XKR5: variants seen among roughly 807,000 people sequenced by gnomAD.
The protein encoded by XKR5 is XK-related protein 5.
A neutral mutation model predicts 40.8 loss-of-function variants in XKR5; 46 were observed. The ratio of observed to expected loss-of-function variants is 1.13; its 90% CI spans 0.89 to 1.44. The LOEUF (loss-of-function observed/expected upper bound fraction) is 1.44, where lower values mean the gene tolerates loss of function less well. XKR5 is among the 40% of genes most tolerant of loss of function. The pLI is 0.00. For missense variants in XKR5, 1,169 were observed against 844.7 expected (o/e 1.38, Z -4.76); for synonymous variants, 466 against 356.1 (o/e 1.31, Z -3.48).
chr8:6,812,008 C>T lies in XKR5; in HGVS notation c.1251G>A (p.Val417=), dbSNP rs1371318106. The part of the protein sequence containing the change: ...WVKLALKTGN[V]SKINAAFGDN... ...CTCCAAAGGCGGCATTGATCTTAGA[C>T]ACATTTCCTGTTTTTAGGGCAAGTT... Residue 417 remains valine (V), a synonymous_variant, in exon 7 of 7, where the codon GTG becomes GTA. Coordinates refer to ENST00000618742, the MANE Select transcript of XKR5 (RefSeq NM_207411.5). 6.5e-7 allele frequency: 1 copy of T among 1,537,410 alleles called. No homozygotes were observed. Among genetic ancestry groups the T allele is most frequent in the East Asian group, 2.4e-5 (1 of 40,910 alleles).
At position 6,821,944 on chromosome 8, in the gene XKR5, C is replaced by A. The variant is rs1804254697; in HGVS notation, c.732G>T (p.Val244=). Residue 244 remains valine, a synonymous_variant, in exon 5 of 7, where the codon GTG becomes GTT. Transcript: ENST00000618742. ...GGTAGCAGAGGATGTACACGGCCCC[C>A]ACGAGCAGGTTGAACAGCCTCCAGT... The part of the protein sequence containing the change: ...TCHWRLFNLL[V]GAVYILCYLS... The A allele has an allele frequency of 6.2e-7, 1 of 1,612,964 alleles. No individual in the cohort carries two copies.
chr8:6,832,617 AC>A, intron 2 of XKR5, 99 bp downstream of exon 2: 1 of 1,491,620 alleles, frequency 6.7e-7, no homozygotes, highest in Non-Finnish European at 9.2e-7. Flanking sequence ...CCAATGCTGA[AC>A]TTTTATGAGC....
intron 6 of XKR5, among the ~76,000 whole-genome samples, chr8:6,813,284 A>C (rs1222466617): frequency 6.6e-6 from 1 of 152,250 alleles, no homozygotes; most frequent in Non-Finnish European, 1.5e-5. Flanking sequence ...GGTCCTGCTC[A>C]GCCAGTTTCT....
chr8:6,809,291 T>C lies in XKR5; in HGVS notation c.*1907A>G, dbSNP rs1803576635. The C allele has an allele frequency of 2.3e-5, 3 of 130,186 alleles. No homozygotes were observed. The highest frequency in any genetic ancestry group is 4.8e-5 in the Non-Finnish European group (3 of 62,088). The allele number at this position is 130,186 out of a possible 1,614,324, so 8.1% of individuals were successfully genotyped here. Reference sequence around the variant, plus strand: ...TGGAACTATGAATGATTTTGTTCTATTAACAAGCTTTTTTTTTAGATAGAG... The same window carrying C: ...TGGAACTATGAATGATTTTGTTCTACTAACAAGCTTTTTTTTTAGATAGAG... On this transcript the variant is annotated 3_prime_UTR_variant, in exon 7 of 7. Transcript: ENST00000618742.
At chr8:6,812,428 T>C (rs2553728) in intron 6 of XKR5, 89 bp from the exon 7 acceptor site, 554,152 of 1,349,296 alleles carry the variant, frequency 0.41, 119,045 homozygotes, top group East Asian at 0.66. Flanking sequence ...GGCCCTTTTG[T>C]GTAGAGGAAG....
At position 6,812,094 on chromosome 8, in the gene XKR5, G is replaced by A; in HGVS notation, c.1165C>T (p.Leu389=). The A allele has an allele frequency of 6.5e-7, 1 of 1,544,242 alleles. No individual in the cohort carries two copies. The highest frequency in any genetic ancestry group is 8.7e-7 in the Non-Finnish European group (1 of 1,146,970). ...TPEQVPPEAG[L]GTQVAVEDSF... is the part of the protein sequence containing the mutation. The stretch of plus-strand genomic sequence containing the variant: ...TCCTCCACAGCAACCTGGGTCCCCA[G>A]CCCAGCCTCTGGGGGGACCTGCTCA... The change falls in exon 7 of 7, where the codon CTG becomes TTG. Residue 389 remains leucine, a synonymous_variant. Transcript: ENST00000618742.
At chr8:6,826,686 A>T (rs1804500004) in intron 2 of XKR5, among the ~76,000 whole-genome samples, 1 of 152,152 alleles carries the variant, frequency 6.6e-6, no homozygotes, top group Non-Finnish European at 1.5e-5. Flanking sequence ...GATCTGGATG[A>T]CCAGTTGTGG....
intron 5 of XKR5, among the ~76,000 whole-genome samples, chr8:6,816,810 C>G (rs1273928315): frequency 6.6e-6 from 1 of 150,438 alleles, no homozygotes; most frequent in Non-Finnish European, 1.5e-5. Flanking sequence ...AAATTATATA[C>G]TGATTTGCTA....
chr8:6,820,354 T>C (rs978521064), intron 5 of XKR5, among the ~76,000 whole-genome samples: 1 of 152,252 alleles, frequency 6.6e-6, no homozygotes, highest in African/African-American at 2.4e-5. Flanking sequence ...ATCTAGTGAC[T>C]GTATGAGATG....
rs1803642589 is a variant in XKR5 at position 6,810,789 on chromosome 8, TG to T, written c.*408del. 6.2e-6 allele frequency: 1 copy of T among 162,090 alleles called. No homozygotes were observed. Among genetic ancestry groups the T allele is most frequent in the African/African-American group, 2.4e-5 (1 of 41,674 alleles). 10.0% of individuals were successfully genotyped at this position (162,090 alleles called of 1,614,324 possible). On this transcript the variant is annotated 3_prime_UTR_variant, in exon 7 of 7. Coordinates refer to ENST00000618742, the MANE Select transcript of XKR5 (RefSeq NM_207411.5). Reference sequence around the variant, plus strand: ...ATAATACAGTTAGAATATATTAAAATGAGATTCATAACCGCTAAATGTGAGG... The same window carrying T: ...ATAATACAGTTAGAATATATTAAAATAGATTCATAACCGCTAAATGTGAGG...
In XKR5 at chr8:6,823,048, C is replaced by G. The variant is rs868868294; in HGVS notation, c.637+473G>C. 2.6e-5 allele frequency among the ~76,000 whole-genome samples: 4 copies of G among 152,314 alleles called. No homozygotes were observed. In the South Asian group the frequency reaches 8.3e-4, roughly 32 times the overall value. Reference sequence around the variant, plus strand: ...ACAGAACAGTCTCCTGAGAAGTTCTCTGCTCCAGATTTAGCTGGGAGTGTT... The same window carrying G: ...ACAGAACAGTCTCCTGAGAAGTTCTGTGCTCCAGATTTAGCTGGGAGTGTT... On this transcript the variant is annotated intron_variant, in intron 4 of 6. Coordinates refer to ENST00000618742, the MANE Select transcript of XKR5 (RefSeq NM_207411.5).
At chr8:6,828,070 G>GA (rs1188858689) in intron 2 of XKR5, among the ~76,000 whole-genome samples, 8 of 151,340 alleles carry the variant, frequency 5.3e-5, no homozygotes, top group African/African-American at 7.3e-5. Flanking sequence ...AGACTCTCGT[G>GA]AAAAAAAAGA....
Position 6,821,076 on chromosome 8 carries a change from G to A in XKR5, c.807+793C>T, listed in dbSNP as rs187950279. 1.8e-3 allele frequency among the ~76,000 whole-genome samples: 271 copies of A among 152,276 alleles called. 2 individuals are homozygous for A. The highest frequency in any genetic ancestry group is 3.3e-3 in the Non-Finnish European group (227 of 68,024). ...GAGAGGGGGGTGACTTATTCCTAGC[G>A]TGTGCATGAAAAAGTAGGTTCAGAC... On this transcript the variant is annotated intron_variant, in intron 5 of 6. Coordinates refer to ENST00000618742, the MANE Select transcript of XKR5 (RefSeq NM_207411.5).
intron 5 of XKR5, among the ~76,000 whole-genome samples, chr8:6,816,611 T>C (rs1803967276): frequency 1.3e-5 from 2 of 150,632 alleles, no homozygotes; most frequent in Admixed American, 6.6e-5. Context: ...AAAGACGATA[T>C]ATTTAAATAC....
chr8:6,818,377 C>T (rs1353501559), intron 5 of XKR5, among the ~76,000 whole-genome samples: 1 of 152,352 alleles, frequency 6.6e-6, no homozygotes, highest in East Asian at 1.9e-4. Flanking sequence ...TTGATAGCGT[C>T]ACTTCTCTGA....
chr8:6,816,091 T>G (rs546054070), intron 5 of XKR5, among the ~76,000 whole-genome samples, 173 bp from the exon 6 acceptor site: 29 of 152,076 alleles, frequency 1.9e-4, no homozygotes, highest in African/African-American at 6.5e-4. Flanking sequence ...AGACCTTCTC[T>G]GGCAAAGAGA....
chr8:6,821,379 CTACT>C (rs1325688135), intron 5 of XKR5, among the ~76,000 whole-genome samples: 3 of 152,164 alleles, frequency 2.0e-5, no homozygotes, highest in Non-Finnish European at 4.4e-5. Flanking sequence ...ATTTGGGTGT[CTACT>C]TACTTACCAA....
rs141548257 is a variant in XKR5 at position 6,812,206 on chromosome 8, T to A, written c.1053A>T (p.Thr351=). 27 of 1,551,874 alleles carry A rather than the reference T, an allele frequency of 1.7e-5. No individual in the cohort carries two copies. The highest frequency in any genetic ancestry group is 3.3e-4 in the Middle Eastern group (2 of 5,992). The change falls in exon 7 of 7, where the codon ACA becomes ACT. Residue 351 remains threonine, a synonymous_variant. Coordinates refer to ENST00000618742, the MANE Select transcript of XKR5 (RefSeq NM_207411.5). ...KTERRDSPRA[T]DLAGKRTESS... ...TCTCGGTTCTCTTCCCAGCTAGATC[T>A]GTGGCCCGGGGAGAATCTCTTCTCT... is the stretch of plus-strand genomic sequence containing the variant.
At chr8:6,815,552 G>A (rs1803915955) in intron 6 of XKR5, among the ~76,000 whole-genome samples, 2 of 152,044 alleles carry the variant, frequency 1.3e-5, no homozygotes, top group Admixed American at 6.5e-5. Context: ...CGGGGAGGAC[G>A]GGGGCTTTGG....
Sources: allele counts gnomAD v4.1 joint callset (sites outside exome capture counted in the v4.1 genomes callset), GRCh38; gene constraint gnomAD v4.1.1; transcripts MANE v1.5; gene names NCBI Gene and HGNC (gene_info 2026-07-23, HGNC 2026-07-21).